Variants in TBXAS1 observed in about 807,000 individuals in gnomAD.
TBXAS1 encodes thromboxane-A synthase.
TBXAS1 carries 48 observed loss-of-function variants against 60.7 expected under a neutral mutation model. The observed-to-expected ratio is 0.79, with a 90% CI of 0.63 to 1.01. The LOEUF (loss-of-function observed/expected upper bound fraction) is 1.01, where lower values mean the gene tolerates loss of function less well. Among genes scored for constraint, TBXAS1 ranks in the 50% least tolerant of loss-of-function variants. The pLI is 0.00. For synonymous variants in TBXAS1, 287 were observed against 269.7 expected (o/e 1.06, Z -0.63); for missense variants, 685 against 686.3 (o/e 1.00, Z 0.02).
intron 10 of TBXAS1, among the ~76,000 whole-genome samples, chr7:140,010,386 C>G (rs1218266577): frequency 6.6e-6 from 1 of 152,230 alleles, no homozygotes; most frequent in Non-Finnish European, 1.5e-5. Flanking sequence ...GTGGGAAACA[C>G]AGCAGCCCTG....
At chr7:139,935,168 G>A (rs993471633) in intron 4 of TBXAS1, among the ~76,000 whole-genome samples, 4 of 152,176 alleles carry the variant, frequency 2.6e-5, no homozygotes, top group East Asian at 1.9e-4. Context: ...TCAGTAGCTC[G>A]TGGGATAGGT....
chr7:139,949,546 G>A (rs1376250273), intron 5 of TBXAS1, among the ~76,000 whole-genome samples: 1 of 152,202 alleles, frequency 6.6e-6, no homozygotes, highest in East Asian at 1.9e-4. Flanking sequence ...CTTCTTGGAA[G>A]TTGGGGCCTA....
intron 4 of TBXAS1, chr7:139,913,005 G>T: frequency 1.5e-6 from 1 of 661,828 alleles, no homozygotes; most frequent in Non-Finnish European, 2.8e-6. Context: ...GACATTTCAG[G>T]ATGTCAAGGT....
At chr7:139,966,464 C>T (rs1340679863) in intron 9 of TBXAS1, among the ~76,000 whole-genome samples, 1 of 152,196 alleles carries the variant, frequency 6.6e-6, no homozygotes, top group Non-Finnish European at 1.5e-5. Context: ...AAGCCCTGTC[C>T]AAGTTGTTCT....
At chr7:139,858,153 T>C (rs1800712663) in intron 1 of TBXAS1, among the ~76,000 whole-genome samples, 1 of 152,198 alleles carries the variant, frequency 6.6e-6, no homozygotes, top group Non-Finnish European at 1.5e-5. Flanking sequence ...AACCCCATGC[T>C]CACTCTGCCC....
intron 9 of TBXAS1, among the ~76,000 whole-genome samples, chr7:139,980,731 CT>C (rs1811901904): frequency 6.6e-6 from 1 of 151,766 alleles, no homozygotes; most frequent in Non-Finnish European, 1.5e-5. Flanking sequence ...CCTCACCTGC[CT>C]TCCCCCCCTG....
In TBXAS1 at chr7:139,948,046, G is replaced by T. The variant is rs369547055; in HGVS notation, c.451-5322G>T. ...CACCTGGCTAATTTTTGTATTTTTA[G>T]TAGAGAGGGGGTTTCACCATGTTGA... is the stretch of plus-strand genomic sequence containing the variant. On this transcript the variant is annotated intron_variant, in intron 5 of 12. Transcript: ENST00000448866. Among the ~76,000 whole-genome samples the T allele has an allele frequency of 5.0e-4, 76 of 152,188 alleles. No homozygotes were observed. The Middle Eastern group carries it at 0.024, about 48-fold the overall frequency.
At chr7:139,854,048 T>C (rs541375577) in intron 1 of TBXAS1, among the ~76,000 whole-genome samples, 2 of 151,792 alleles carry the variant, frequency 1.3e-5, no homozygotes, top group African/African-American at 4.8e-5. Flanking sequence ...GAGAGGAGAG[T>C]GGGCTGGGAC....
intron 3 of TBXAS1, among the ~76,000 whole-genome samples, chr7:139,904,380 G>T (rs1804808652): frequency 6.6e-6 from 1 of 152,038 alleles, no homozygotes; most frequent in Non-Finnish European, 1.5e-5. Context: ...CAGATAGTGA[G>T]ATACCTCCAG....
chr7:139,811,454 T>C (rs1220712199), intron 4 of TBXAS1, among the ~76,000 whole-genome samples: 1 of 152,260 alleles, frequency 6.6e-6, no homozygotes, highest in East Asian at 1.9e-4. Flanking sequence ...ATCTCCTGTC[T>C]TAGGACAGAT....
chr7:139,988,950 G>A (rs1812701678), intron 9 of TBXAS1, among the ~76,000 whole-genome samples: 1 of 152,206 alleles, frequency 6.6e-6, no homozygotes, highest in Admixed American at 6.5e-5. Flanking sequence ...GAGGGGAGAG[G>A]CAGGTTCACC....
intron 4 of TBXAS1, among the ~76,000 whole-genome samples, chr7:139,928,587 C>T (rs1239550785): frequency 2.6e-5 from 4 of 152,072 alleles, no homozygotes; most frequent in Admixed American, 6.6e-5. Flanking sequence ...ATAAAATGTT[C>T]GATTCGACTG....
intron 1 of TBXAS1, among the ~76,000 whole-genome samples, chr7:139,868,296 A>G (rs924861458): frequency 2.6e-5 from 4 of 152,160 alleles, no homozygotes; most frequent in African/African-American, 9.7e-5. Context: ...ACAATTTGAC[A>G]TAAAAGGATT....
At chr7:139,805,724 CTCTCTCTTTCTT>C (rs1280160577) in intron 4 of TBXAS1, among the ~76,000 whole-genome samples, 9 of 118,660 alleles carry the variant, frequency 7.6e-5, no homozygotes, top group African/African-American at 3.3e-4. Context: ...CTCTCTCTCT[CTCTCTCTTTCTT>C]TCTTTCTTTC....
At chr7:139,935,790 A>ACCT (rs1275960924) in intron 4 of TBXAS1, among the ~76,000 whole-genome samples, 25 of 151,858 alleles carry the variant, frequency 1.6e-4, no homozygotes, top group African/African-American at 6.1e-4. Flanking sequence ...CAGTCACACA[A>ACCT]AACCCTGTGC....
At chr7:139,923,342 C>T (rs755211921) in intron 4 of TBXAS1, among the ~76,000 whole-genome samples, 71 of 151,666 alleles carry the variant, frequency 4.7e-4, no homozygotes, top group Admixed American at 2.2e-3. Context: ...GAGAGAGAGA[C>T]GCAAGAGAGA....
chr7:139,878,144 A>G (rs996566914), intron 3 of TBXAS1, among the ~76,000 whole-genome samples: 3 of 151,554 alleles, frequency 2.0e-5, no homozygotes, highest in Non-Finnish European at 2.9e-5. Context: ...AGAGAGAGAG[A>G]GAGAATGACA....
At chr7:139,876,981 T>C (rs936831568) in intron 3 of TBXAS1, among the ~76,000 whole-genome samples, 1 of 152,148 alleles carries the variant, frequency 6.6e-6, no homozygotes, top group Non-Finnish European at 1.5e-5. Context: ...CAGGTTCTCA[T>C]GGTAAGGGCA....
chr7:139,822,516 C>A (rs2116446302), intron 4 of TBXAS1, among the ~76,000 whole-genome samples: 1 of 152,280 alleles, frequency 6.6e-6, no homozygotes, highest in Middle Eastern at 3.4e-3. Context: ...ACAGATCTGG[C>A]CATCTCCCGA....
Sources: gnomAD v4.1 joint callset for allele counts (sites outside exome capture counted in the v4.1 genomes callset) on GRCh38, gnomAD v4.1.1 for gene constraint, MANE v1.5 for transcripts, NCBI Gene and HGNC (gene_info 2026-07-23, HGNC 2026-07-21) for gene names.